The following MTMR2 variants were observed in gnomAD, a reference collection of about 807,000 sequenced individuals.
The protein encoded by MTMR2 is phosphatidylinositol-3,5-bisphosphate 3-phosphatase MTMR2.
A neutral mutation model predicts 86.9 loss-of-function variants in MTMR2; 55 were observed. The ratio of observed to expected loss-of-function variants is 0.63; its 90% CI spans 0.51 to 0.79. MTMR2 has a LOEUF of 0.79. MTMR2 is among the 30% of genes least tolerant of loss of function. MTMR2 has a pLI of 0.00. For synonymous variants in MTMR2, 241 were observed against 266.8 expected, an observed-to-expected ratio of 0.90 and a Z score of 0.94; for missense variants, 659 against 772.3, an observed-to-expected ratio of 0.85 and a Z score of 1.74.
chr11:95,852,556 G>C (rs756440416), intron 7 of MTMR2, among the ~76,000 whole-genome samples: 1 of 151,974 alleles, frequency 6.6e-6, no homozygotes, highest in African/African-American at 2.4e-5. Flanking sequence ...CATATAATTA[G>C]CCTGGTCCCA....
In MTMR2 at chr11:95,920,038, C is replaced by T. The variant is rs549483890; in HGVS notation, c.80+3837G>A. Among the ~76,000 whole-genome samples, 3 of 152,294 alleles carry T rather than the reference C, an allele frequency of 2.0e-5. No individual in the cohort carries two copies. The East Asian group carries it at 5.8e-4, about 29-fold the overall frequency. On this transcript the variant is annotated intron_variant, in intron 1 of 14. Coordinates refer to ENST00000346299, the MANE Select transcript of MTMR2 (RefSeq NM_016156.6). ...TACAGTTCTGAGACTCAAGCCTACT[C>T]TTATTATCACATCTGACCTACAGTA... is the stretch of plus-strand genomic sequence containing the variant.
chr11:95,857,903 G>T (rs1022396642), intron 6 of MTMR2, among the ~76,000 whole-genome samples: 1 of 151,828 alleles, frequency 6.6e-6, no homozygotes, highest in African/African-American at 2.4e-5. Context: ...GATTATCCTT[G>T]GTAGCCTTTG....
chr11:95,918,249 T>G (rs1199051328), intron 1 of MTMR2, among the ~76,000 whole-genome samples: 1 of 152,164 alleles, frequency 6.6e-6, no homozygotes, highest in Non-Finnish European at 1.5e-5. Flanking sequence ...CTGGAAAGCT[T>G]GCTAAAACAC....
chr11:95,863,547 T>G lies in MTMR2; in HGVS notation c.263-1181A>C, dbSNP rs112129077. On this transcript the variant is annotated intron_variant, in intron 3 of 14. Transcript: ENST00000346299. ...TTATACAAAAATACACAAACTTGCTTTGCACAAATAATATTTTTCCCTTAT... is the reference window on the plus strand; with the variant it reads ...TTATACAAAAATACACAAACTTGCTGTGCACAAATAATATTTTTCCCTTAT... 4.3e-3 allele frequency among the ~76,000 whole-genome samples: 661 copies of G among 152,288 alleles called. 3 individuals carry two copies. Among genetic ancestry groups the G allele is most frequent in the Non-Finnish European group, 6.4e-3 (432 of 67,998 alleles).
At chr11:95,841,488 C>G in intron 12 of MTMR2, 129 bp downstream of exon 12, 1 of 772,786 alleles carries the variant, frequency 1.3e-6, no homozygotes, top group South Asian at 1.4e-5. Context: ...AAATAGCTCT[C>G]ACATGGACAT....
Position 95,834,073 on chromosome 11 carries a change from A to G in MTMR2, c.*1217T>C, listed in dbSNP as rs1402904531. 1 of 152,490 alleles carries G rather than the reference A, an allele frequency of 6.6e-6. No homozygotes were observed. Among genetic ancestry groups the G allele is most frequent in the Non-Finnish European group, 1.5e-5 (1 of 67,994 alleles). The allele number at this position is 152,490 out of a possible 1,614,324, so 9.4% of individuals were successfully genotyped here. On this transcript the variant is annotated 3_prime_UTR_variant, in exon 15 of 15. Transcript: ENST00000346299. ...TTCTGGGGAAAAAAAAGAAATGGCA[A>G]CTTTGGACAAGAACAAAGTTTAAAA...
chr11:95,850,705 T>C lies in MTMR2; in HGVS notation c.699A>G (p.Arg233=). 6.2e-7 allele frequency: 1 copy of C among 1,614,056 alleles called. No individual in the cohort carries two copies. Among genetic ancestry groups the C allele is most frequent in the Non-Finnish European group, 8.5e-7 (1 of 1,179,900 alleles). ...ESWRITKINE[R]YELCDTYPAL... ...CAGGGTATGTATCACAAAGTTCATATCGTTCATTTATCTTTGTTATTCTCC... is the reference window on the plus strand; with the variant it reads ...CAGGGTATGTATCACAAAGTTCATACCGTTCATTTATCTTTGTTATTCTCC... Residue 233 remains arginine, a synonymous_variant, in exon 8 of 15, where the codon CGA becomes CGG. Coordinates refer to ENST00000346299, the MANE Select transcript of MTMR2 (RefSeq NM_016156.6).
chr11:95,920,355 TGG>T (rs1866871171), intron 1 of MTMR2, among the ~76,000 whole-genome samples: 1 of 152,316 alleles, frequency 6.6e-6, no homozygotes, highest in African/African-American at 2.4e-5. Flanking sequence ...TTGCCCACTC[TGG>T]AGTGCAGTGG....
intron 7 of MTMR2, among the ~76,000 whole-genome samples, chr11:95,856,078 G>A (rs372643074): frequency 6.6e-6 from 1 of 151,950 alleles, no homozygotes; most frequent in Admixed American, 6.6e-5. Context: ...TATTAATGAA[G>A]AAAGAAAAGC....
At chr11:95,843,194 A>G (rs1863624733) in intron 11 of MTMR2, among the ~76,000 whole-genome samples, 1 of 152,214 alleles carries the variant, frequency 6.6e-6, no homozygotes, top group Non-Finnish European at 1.5e-5. Context: ...TTTTTGGTGA[A>G]CTTTTGCCCA....
At chr11:95,910,986 C>A (rs1222956245) in intron 1 of MTMR2, among the ~76,000 whole-genome samples, 1 of 152,008 alleles carries the variant, frequency 6.6e-6, no homozygotes, top group Non-Finnish European at 1.5e-5. Flanking sequence ...AACAACCCCC[C>A]CAAAACAAAT....
At position 95,923,566 on chromosome 11, in the gene MTMR2, TA is replaced by T. The variant is rs1176098193; in HGVS notation, c.80+308del. On this transcript the variant is annotated intron_variant, in intron 1 of 14. Coordinates refer to ENST00000346299, the MANE Select transcript of MTMR2 (RefSeq NM_016156.6). ...AGAATGGGGGCGGGGGGAACTGTCT[TA>T]AAAAAGGTTTGAGAGGGAATGAAAG... 9 of 862,574 alleles carry T rather than the reference TA, an allele frequency of 1.0e-5. No homozygotes were observed. In the East Asian group the frequency reaches 1.8e-4, roughly 17 times the overall value. The allele number at this position is 862,574 out of a possible 1,614,324, so 53.4% of individuals were successfully genotyped here. A position where few individuals can be genotyped will look rare whatever the true frequency, so the allele number is the denominator to read the frequency against.
At chr11:95,888,784 G>C (rs1191435921) in intron 1 of MTMR2, among the ~76,000 whole-genome samples, 1 of 151,932 alleles carries the variant, frequency 6.6e-6, no homozygotes, top group Non-Finnish European at 1.5e-5. Flanking sequence ...GAAAAGAAAA[G>C]GAAGCAGCCA....
rs773361720 is a variant in MTMR2, at chr11:95,923,962, C to A, written c.-8G>T. ...GCTCGAGCTCTTCTCCATCGCGCGG[C>A]AGGGGCAGCACAGGGAAAGGCTGAA... is the stretch of plus-strand genomic sequence containing the variant. On this transcript the variant is annotated 5_prime_UTR_variant, in exon 1 of 15. Transcript: ENST00000346299. The A allele has an allele frequency of 6.4e-7, 1 of 1,556,228 alleles. No homozygotes were observed. The highest frequency in any genetic ancestry group is 1.9e-5 in the Admixed American group (1 of 51,860).
rs34689209 is a variant in MTMR2, at chr11:95,887,422, GA to G, written c.186+733del. ...TGTTTATTGTTTCGTGTTTTTTGGA[GA>G]AAAAAAAAACGATTATGAAGTAAAG... is the stretch of plus-strand genomic sequence containing the variant. On this transcript the variant is annotated intron_variant, in intron 2 of 14. Coordinates refer to ENST00000346299, the MANE Select transcript of MTMR2 (RefSeq NM_016156.6). Among the ~76,000 whole-genome samples the G allele has an allele frequency of 0.018, 2,564 of 145,168 alleles. 34 individuals are homozygous for G. The highest frequency in any genetic ancestry group is 0.065 in the South Asian group (300 of 4,590).
At chr11:95,851,631 G>A (rs1225153876) in intron 7 of MTMR2, among the ~76,000 whole-genome samples, 1 of 152,144 alleles carries the variant, frequency 6.6e-6, no homozygotes, top group Non-Finnish European at 1.5e-5. Context: ...CAAAGTGCAG[G>A]GTCTCATTCA....
Position 95,845,156 on chromosome 11 carries a change from T to A in MTMR2, c.1183A>T (p.Ile395Phe), listed in dbSNP as rs148890896. 2 of 1,613,516 alleles carry A rather than the reference T, an allele frequency of 1.2e-6. No homozygotes were observed. The highest frequency in any genetic ancestry group is 2.7e-5 in the African/African-American group (2 of 74,888). The change falls in exon 11 of 15, where the codon ATT becomes TTT. Residue 395 changes from isoleucine (I) to phenylalanine (F), a missense_variant. By Grantham distance (21) the Ile-to-Phe change is conservative. Around this residue, in one of 3 missense-constraint regions of MTMR2, gnomAD observed 387 missense variants for 526.3 expected, o/e 0.74. Coordinates refer to ENST00000346299, the MANE Select transcript of MTMR2 (RefSeq NM_016156.6). ...STHWLEHIKL[I>F]LAGALRIADK... ...GCAATCCTAAGAGCCCCTGCAAGAATAAGCTGGAAAACAGATTTTTTAATA... is the reference window on the plus strand; with the variant it reads ...GCAATCCTAAGAGCCCCTGCAAGAAAAAGCTGGAAAACAGATTTTTTAATA...
At chr11:95,884,927 C>T (rs1181531843) in intron 2 of MTMR2, among the ~76,000 whole-genome samples, 1 of 152,094 alleles carries the variant, frequency 6.6e-6, no homozygotes, top group Non-Finnish European at 1.5e-5. Context: ...TTTAGGCACT[C>T]TCCTAGGGAA....
intron 8 of MTMR2, 63 bp downstream of exon 8, chr11:95,850,537 T>C: frequency 2.7e-6 from 4 of 1,502,328 alleles, no homozygotes; most frequent in Non-Finnish European, 3.7e-6. Flanking sequence ...TCCTACTCAT[T>C]AATCTCAGCA....
Sources: allele counts gnomAD v4.1 joint callset (sites outside exome capture counted in the v4.1 genomes callset), GRCh38; gene constraint gnomAD v4.1.1; regional missense constraint gnomAD v4.1.1; transcripts MANE v1.5; gene names NCBI Gene and HGNC (gene_info 2026-07-23, HGNC 2026-07-21).